Variants in SVOPL observed in about 807,000 individuals in gnomAD.
The protein encoded by SVOPL is SVOP like, also known as putative transporter SVOPL.
A neutral mutation model predicts 61.0 loss-of-function variants in SVOPL; 60 were observed. That is an observed-to-expected ratio of 0.98 (90% CI 0.80 to 1.22). SVOPL has a LOEUF of 1.22. Ranked by LOEUF, SVOPL falls within the 50% of genes most tolerant of loss-of-function variation. The probability of loss-of-function intolerance (pLI) is 0.00; values close to 1 mark genes in which losing one functional copy is unlikely to be tolerated. For missense variants in SVOPL, 662 were observed against 643.9 expected (o/e 1.03, Z -0.30); for synonymous variants, 279 against 250.0 (o/e 1.12, Z -1.09).
At chr7:138,623,612 A>C (rs1253570144) in intron 13 of SVOPL, among the ~76,000 whole-genome samples, 1 of 152,150 alleles carries the variant, frequency 6.6e-6, no homozygotes, top group East Asian at 1.9e-4. Context: ...AACAAAAAAA[A>C]TAAAATCAAA....
chr7:138,660,724 A>C, intron 5 of SVOPL: 9 of 985,438 alleles, frequency 9.1e-6, no homozygotes, highest in Non-Finnish European at 1.1e-5. Flanking sequence ...GGTTAGCAGA[A>C]TATTTTCAAG....
At chr7:138,637,495 T>G (rs1182580107) in intron 9 of SVOPL, among the ~76,000 whole-genome samples, 17 of 19,822 alleles carry the variant, frequency 8.6e-4, no homozygotes, top group African/African-American at 3.5e-3. Flanking sequence ...TAGATAGATA[T>G]ATATATATAT....
intron 6 of SVOPL, 87 bp from the exon 7 acceptor site, chr7:138,656,598 A>G: frequency 7.1e-7 from 1 of 1,399,938 alleles, no homozygotes; most frequent in Non-Finnish European, 1.0e-6. Context: ...TGTCACAGGG[A>G]TAAAGAATTC....
At chr7:138,623,604 C>CA (rs1304278190) in intron 13 of SVOPL, among the ~76,000 whole-genome samples, 12 of 151,284 alleles carry the variant, frequency 7.9e-5, no homozygotes, top group Middle Eastern at 3.4e-3. Flanking sequence ...TGTCTCAAAA[C>CA]AAAAAAAATA....
rs1014594764 is a variant in SVOPL at position 138,626,049 on chromosome 7, C to T, written c.1183G>A (p.Ala395Thr). The change falls in exon 13 of 16, where the codon GCC becomes ACC. Residue 395 changes from alanine (A) to threonine (T), a missense_variant and splice_region_variant. Ala to Thr is a moderately conservative substitution (Grantham distance 58). Coordinates refer to ENST00000674285, the MANE Select transcript of SVOPL (RefSeq NM_001139456.2). ...ATGAAGAGGAAGCCAATCAGGCCGG[C>T]ACTAGAAAACAGGAAGCGGAGAGAA... ...FLLLNICTSS[A>T]GLIGFLFMLR... The T allele has an allele frequency of 1.2e-6, 2 of 1,614,026 alleles. No individual in the cohort carries two copies. The highest frequency in any genetic ancestry group is 1.7e-6 in the Non-Finnish European group (2 of 1,179,998).
Position 138,644,799 on chromosome 7 carries a change from C to T in SVOPL, c.707G>A (p.Arg236Gln), listed in dbSNP as rs139128450. 15 of 1,613,966 alleles carry T rather than the reference C, an allele frequency of 9.3e-6. No homozygotes were observed. Among genetic ancestry groups the T allele is most frequent in the Middle Eastern group, 1.6e-4 (1 of 6,084 alleles). The change falls in exon 9 of 16, where the codon CGG becomes CAG. Residue 236 changes from arginine (R) to glutamine (Q), a missense_variant. Transcript: ENST00000674285. Reference sequence around the variant, plus strand: ...GCGCTCCAGAGTGGCCAGGGCAGCCCGAGTGTTCCCAGTGGAGACATTGAA... The same window carrying T: ...GCGCTCCAGAGTGGCCAGGGCAGCCTGAGTGTTCCCAGTGGAGACATTGAA... ...ARFNVSTGNT[R>Q]AALATLERVA...
chr7:138,604,050 A>T (rs1351993168), intron 14 of SVOPL, among the ~76,000 whole-genome samples: 3 of 141,316 alleles, frequency 2.1e-5, no homozygotes, highest in Non-Finnish European at 4.5e-5. Context: ...TGCAGTGTCG[A>T]CCTCCTGGGC....
rs180921459 is a variant in SVOPL at position 138,681,560 on chromosome 7, A to T, written c.-34-2481T>A. Among the ~76,000 whole-genome samples, 182 of 152,222 alleles carry T rather than the reference A, an allele frequency of 1.2e-3. 1 individual carries two copies. The highest frequency in any genetic ancestry group is 5.0e-4 in the Non-Finnish European group (34 of 68,014). ...AACTGAGGGCTGGGCGTGGTAGCTC[A>T]CACCTGTAATCCCAGCATTTTGGGA... is the stretch of plus-strand genomic sequence containing the variant. On this transcript the variant is annotated intron_variant, in intron 1 of 15. Coordinates refer to ENST00000674285, the MANE Select transcript of SVOPL (RefSeq NM_001139456.2).
chr7:138,627,647 C>T (rs889832520), intron 11 of SVOPL, among the ~76,000 whole-genome samples, 186 bp from the exon 12 acceptor site: 5 of 152,150 alleles, frequency 3.3e-5, no homozygotes, highest in African/African-American at 9.7e-5. Context: ...ACTTTACCCA[C>T]GTGGGTCCAG....
At chr7:138,633,439 C>T (rs1272534818) in intron 9 of SVOPL, among the ~76,000 whole-genome samples, 2 of 152,090 alleles carry the variant, frequency 1.3e-5, no homozygotes, top group African/African-American at 4.8e-5. Context: ...AGCCTCGCAC[C>T]TCTCTCGCTC....
At chr7:138,622,270 G>GTC (rs1799694489) in intron 13 of SVOPL, among the ~76,000 whole-genome samples, 3 of 83,726 alleles carry the variant, frequency 3.6e-5, no homozygotes, top group Non-Finnish European at 8.0e-5. Context: ...ATCTATCTAT[G>GTC]TATCTATCTA....
intron 9 of SVOPL, among the ~76,000 whole-genome samples, chr7:138,630,951 G>GAAAAAAAAAAAAAAAAAAAAAAAA (rs57139655): frequency 1.3e-5 from 1 of 76,340 alleles, no homozygotes; most frequent in Non-Finnish European, 3.2e-5. Flanking sequence ...CTCAAAAAAA[G>GAAAAAAAAAAAAAAAAAAAAAAAA]AAAAAAAAAA....
At chr7:138,604,407 C>T (rs987675414) in intron 14 of SVOPL, among the ~76,000 whole-genome samples, 29 of 152,076 alleles carry the variant, frequency 1.9e-4, no homozygotes, top group Non-Finnish European at 4.0e-4. Context: ...GGCATGGTGG[C>T]TTACGCCTGT....
intron 1 of SVOPL, among the ~76,000 whole-genome samples, chr7:138,683,248 G>T (rs1802736753): frequency 6.6e-6 from 1 of 152,066 alleles, no homozygotes; most frequent in Non-Finnish European, 1.5e-5. Flanking sequence ...AATTACATGG[G>T]TGTATAGATG....
chr7:138,685,722 T>G (rs1802793760), intron 1 of SVOPL, among the ~76,000 whole-genome samples: 1 of 151,666 alleles, frequency 6.6e-6, no homozygotes, highest in South Asian at 2.1e-4. Flanking sequence ...TAGCCAGGCG[T>G]GGTGGCGGGT....
chr7:138,603,124 T>TA (rs1798602642), intron 14 of SVOPL, among the ~76,000 whole-genome samples: 1 of 152,272 alleles, frequency 6.6e-6, no homozygotes, highest in South Asian at 2.1e-4. Flanking sequence ...AAAACATATG[T>TA]ATATGAAAGC....
intron 9 of SVOPL, among the ~76,000 whole-genome samples, chr7:138,643,598 T>C (rs1156725541): frequency 6.6e-6 from 1 of 152,116 alleles, no homozygotes; most frequent in Admixed American, 6.6e-5. Context: ...AAGAAAATTC[T>C]GACCTATGCT....
intron 7 of SVOPL, among the ~76,000 whole-genome samples, chr7:138,651,224 A>G (rs2117032473): frequency 6.6e-6 from 1 of 152,256 alleles, no homozygotes; most frequent in East Asian, 1.9e-4. Flanking sequence ...ATGCATCCCT[A>G]GGCTTCTGTC....
intron 14 of SVOPL, among the ~76,000 whole-genome samples, chr7:138,609,719 TG>T (rs755165258): frequency 0.019 from 1,054 of 55,042 alleles, 12 homozygotes; most frequent in African/African-American, 0.052. Context: ...GTTTTTTTTT[TG>T]GGGGGGGTGG....
Sources: gnomAD v4.1 joint callset for allele counts (sites outside exome capture counted in the v4.1 genomes callset) on GRCh38, gnomAD v4.1.1 for gene constraint, MANE v1.5 for transcripts, NCBI Gene and HGNC (gene_info 2026-07-23, HGNC 2026-07-21) for gene names.